TIAM1: variants seen among roughly 807,000 people sequenced by gnomAD.
The protein encoded by TIAM1 is TIAM Rac1 associated GEF 1.
A neutral mutation model predicts 163.5 loss-of-function variants in TIAM1; 65 were observed. That is an observed-to-expected ratio of 0.40 (90% CI 0.33 to 0.49). The LOEUF (loss-of-function observed/expected upper bound fraction) is 0.49. TIAM1 is among the 20% of genes least tolerant of loss of function. The pLI, the probability that TIAM1 is intolerant of heterozygous loss-of-function variation, is 0.77. For missense variants in TIAM1, 1,789 were observed against 2,044.7 expected (o/e 0.87, Z 2.41); for synonymous variants, 833 against 810.1 (o/e 1.03, Z -0.48).
At chr21:31,134,788 G>T (rs1397899076) in intron 23 of TIAM1, among the ~76,000 whole-genome samples, 1 of 152,158 alleles carries the variant, frequency 6.6e-6, no homozygotes, top group Non-Finnish European at 1.5e-5. Context: ...TGGGATTACA[G>T]GTGTGAGCCA....
At chr21:31,496,600 T>C (rs2046656959) in intron 1 of TIAM1, among the ~76,000 whole-genome samples, 1 of 149,224 alleles carries the variant, frequency 6.7e-6, no homozygotes, top group Non-Finnish European at 1.5e-5. Context: ...TAAGCTACTG[T>C]TATTATTAAA....
intron 4 of TIAM1, among the ~76,000 whole-genome samples, chr21:31,256,724 T>C (rs1328318693): frequency 1.3e-5 from 2 of 151,966 alleles, no homozygotes; most frequent in Non-Finnish European, 2.9e-5. Context: ...TCTAGGTAAA[T>C]GACTCTGAAC....
intron 1 of TIAM1, among the ~76,000 whole-genome samples, chr21:31,537,276 A>G (rs1008864447): frequency 5.3e-5 from 8 of 152,216 alleles, no homozygotes; most frequent in African/African-American, 1.9e-4. Context: ...ACTCACCCGC[A>G]TAGGGCTGAA....
At chr21:31,324,687 G>C (rs1005576411) in intron 2 of TIAM1, among the ~76,000 whole-genome samples, 3 of 152,110 alleles carry the variant, frequency 2.0e-5, no homozygotes, top group African/African-American at 7.2e-5. Flanking sequence ...CTGAATTCTA[G>C]GATTCCATCC....
chr21:31,206,863 T>C (rs2086474513), intron 11 of TIAM1, among the ~76,000 whole-genome samples: 1 of 151,780 alleles, frequency 6.6e-6, no homozygotes, highest in Non-Finnish European at 1.5e-5. Flanking sequence ...GTCAAACTTC[T>C]AGAAGACATA....
chr21:31,512,244 A>G (rs1315857363), intron 1 of TIAM1, among the ~76,000 whole-genome samples: 1 of 151,942 alleles, frequency 6.6e-6, no homozygotes, highest in Non-Finnish European at 1.5e-5. Flanking sequence ...CTACAGGCAC[A>G]TATCACCATG....
At chr21:31,270,015 C>T (rs1292261289) in intron 3 of TIAM1, among the ~76,000 whole-genome samples, 1 of 152,122 alleles carries the variant, frequency 6.6e-6, no homozygotes, top group Non-Finnish European at 1.5e-5. Context: ...ATGTAAAATG[C>T]CAGCTACTTC....
At chr21:31,423,135 G>A (rs1472286950) in intron 2 of TIAM1, among the ~76,000 whole-genome samples, 2 of 111,694 alleles carry the variant, frequency 1.8e-5, no homozygotes, top group Non-Finnish European at 3.3e-5. Flanking sequence ...GTCTGGCTCT[G>A]TCACCCAGGC....
At chr21:31,183,540 C>G (rs2085133397) in intron 14 of TIAM1, among the ~76,000 whole-genome samples, 1 of 152,122 alleles carries the variant, frequency 6.6e-6, no homozygotes, top group Non-Finnish European at 1.5e-5. Flanking sequence ...GAAGGGCAGG[C>G]AAAGATAAAT....
intron 2 of TIAM1, among the ~76,000 whole-genome samples, chr21:31,388,841 T>C (rs2076922954): frequency 6.6e-6 from 1 of 152,184 alleles, no homozygotes; most frequent in Non-Finnish European, 1.5e-5. Flanking sequence ...AGCAAAAGCA[T>C]TACCTATCAC....
intron 15 of TIAM1, among the ~76,000 whole-genome samples, chr21:31,172,574 G>A (rs2084566150): frequency 1.3e-5 from 2 of 152,158 alleles, no homozygotes; most frequent in East Asian, 1.9e-4. Flanking sequence ...CCAGTACTGA[G>A]CACACTGCCA....
At chr21:31,536,184 C>A (rs1317869915) in intron 1 of TIAM1, among the ~76,000 whole-genome samples, 1 of 152,188 alleles carries the variant, frequency 6.6e-6, no homozygotes, top group Non-Finnish European at 1.5e-5. Flanking sequence ...CTCCTCACAA[C>A]CATCCCTATG....
At chr21:31,122,908 G>A (rs2146202532) in intron 27 of TIAM1, among the ~76,000 whole-genome samples, 1 of 152,300 alleles carries the variant, frequency 6.6e-6, no homozygotes, top group African/African-American at 2.4e-5. Context: ...GCTATGCTGT[G>A]CTGATCTACT....
At chr21:31,358,082 G>A (rs994622795) in intron 2 of TIAM1, among the ~76,000 whole-genome samples, 5 of 152,294 alleles carry the variant, frequency 3.3e-5, no homozygotes, top group East Asian at 1.9e-4. Context: ...AGCTACGGGG[G>A]CTGTGGTCAG....
intron 2 of TIAM1, among the ~76,000 whole-genome samples, chr21:31,422,186 A>T (rs2043601540): frequency 6.6e-6 from 1 of 152,172 alleles, no homozygotes; most frequent in Non-Finnish European, 1.5e-5. Flanking sequence ...AAACTAATAC[A>T]ACCTACATAC....
At position 31,216,665 on chromosome 21, in the gene TIAM1, A is replaced by G. The variant is rs144965898; in HGVS notation, c.2142+888T>C. On this transcript the variant is annotated intron_variant, in intron 9 of 27. Coordinates refer to ENST00000541036, the MANE Select transcript of TIAM1 (RefSeq NM_001353694.2). Reference sequence around the variant, plus strand: ...ATGGGCAAGAATTGGGTGGCTGTACATGGTCAGTGGACACCCGTCACGGCA... The same window carrying G: ...ATGGGCAAGAATTGGGTGGCTGTACGTGGTCAGTGGACACCCGTCACGGCA... 8.4e-3 allele frequency among the ~76,000 whole-genome samples: 1,272 copies of G among 152,236 alleles called. 4 individuals are homozygous for G. Among genetic ancestry groups the G allele is most frequent in the Non-Finnish European group, 0.013 (916 of 68,010 alleles).
intron 2 of TIAM1, among the ~76,000 whole-genome samples, chr21:31,368,900 A>AAAGCAAAGGACTTG (rs1378953925): frequency 6.6e-6 from 1 of 152,246 alleles, no homozygotes; most frequent in Non-Finnish European, 1.5e-5. Flanking sequence ...GATACTTTAC[A>AAAGCAAAGGACTTG]AAGCAAAGGA....
chr21:31,217,503 C>T (rs536470581), intron 9 of TIAM1, 50 bp downstream of exon 9: 9 of 1,586,870 alleles, frequency 5.7e-6, no homozygotes, highest in Middle Eastern at 1.7e-4. Context: ...ATTGAGGTGG[C>T]CACAGAAGTG....
chr21:31,123,512 C>T (rs2082075510), intron 27 of TIAM1, among the ~76,000 whole-genome samples: 1 of 151,570 alleles, frequency 6.6e-6, no homozygotes, highest in Non-Finnish European at 1.5e-5. Flanking sequence ...AAGAGGTTTA[C>T]AGTAACTAGT....
Sources: gnomAD v4.1 joint callset for allele counts (sites outside exome capture counted in the v4.1 genomes callset) on GRCh38, gnomAD v4.1.1 for gene constraint, MANE v1.5 for transcripts, NCBI Gene and HGNC (gene_info 2026-07-23, HGNC 2026-07-21) for gene names.